CFAP97: variants seen among roughly 807,000 people sequenced by gnomAD.
CFAP97 encodes the protein cilia and flagella associated protein 97, also known as cilia- and flagella-associated protein 97.
In CFAP97, 36 loss-of-function variants were observed where a neutral mutation model predicts 43.1. That is an observed-to-expected ratio of 0.84 (90% CI 0.64 to 1.10). The LOEUF (loss-of-function observed/expected upper bound fraction) is 1.10, where lower values mean the gene tolerates loss of function less well. Ranked by LOEUF, CFAP97 falls within the 50% of genes least tolerant of loss-of-function variation. The pLI is 0.00. For missense variants in CFAP97, 657 were observed against 620.3 expected, an observed-to-expected ratio of 1.06 and a Z score of -0.63; for synonymous variants, 228 against 225.7, an observed-to-expected ratio of 1.01 and a Z score of -0.09.
At chr4:185,192,733 C>CTTTTTTTTT (rs760026667) in intron 1 of CFAP97, among the ~76,000 whole-genome samples, 29 of 81,412 alleles carry the variant, frequency 3.6e-4, no homozygotes, top group African/African-American at 1.1e-3. Context: ...AATTGACCTT[C>CTTTTTTTTT]TTTTTTTTTT....
At chr4:185,199,230 G>C (rs1736705940) in intron 1 of CFAP97, among the ~76,000 whole-genome samples, 2 of 152,248 alleles carry the variant, frequency 1.3e-5, no homozygotes, top group Non-Finnish European at 2.9e-5. Flanking sequence ...AAATTAGCCA[G>C]GAGTAGTGGC....
chr4:185,191,189 T>C lies in CFAP97; in HGVS notation c.8A>G (p.Gln3Arg), dbSNP rs367817871. The change falls in exon 2 of 5, where the codon CAG becomes CGG. Residue 3 changes from glutamine to arginine, a missense_variant. Transcript: ENST00000458385. ...TTCACCTTCTAATATATCTCCAAAC[T>C]GATCCATGATGGCAAAAATATATCT... Reference protein sequence around the residue: MDQFGDILEGEVD... With the variant: MDRFGDILEGEVD... 1.3e-6 allele frequency: 2 copies of C among 1,534,576 alleles called. No individual in the cohort carries two copies. Among genetic ancestry groups the C allele is most frequent in the Non-Finnish European group, 1.7e-6 (2 of 1,148,798 alleles).
At chr4:185,178,805 G>C (rs1279425436) in intron 2 of CFAP97, among the ~76,000 whole-genome samples, 1 of 152,112 alleles carries the variant, frequency 6.6e-6, no homozygotes, top group Admixed American at 6.6e-5. Flanking sequence ...CAAGGGCCTG[G>C]AGAAGGCTGT....
chr4:185,161,684 T>G lies in CFAP97; in HGVS notation c.*1114A>C, dbSNP rs1734878861. On this transcript the variant is annotated 3_prime_UTR_variant, in exon 5 of 5. Coordinates refer to ENST00000458385, the MANE Select transcript of CFAP97 (RefSeq NM_020827.3). ...CCATCAAGATTACTAGGTCTTTAAA[T>G]GTGGGACTGGTAAAAATAATACTTC... is the stretch of plus-strand genomic sequence containing the variant. 1 of 152,222 alleles carries G rather than the reference T, an allele frequency of 6.6e-6. No homozygotes were observed. Among genetic ancestry groups the G allele is most frequent in the African/African-American group, 2.4e-5 (1 of 41,464 alleles). 9.4% of individuals were successfully genotyped at this position (152,222 alleles called of 1,614,324 possible).
At chr4:185,198,451 A>AG (rs1736656669) in intron 1 of CFAP97, among the ~76,000 whole-genome samples, 1 of 115,972 alleles carries the variant, frequency 8.6e-6, no homozygotes, top group Non-Finnish European at 2.0e-5. Context: ...TTAAAAAAAA[A>AG]AAAAAGAAAG....
In CFAP97 at chr4:185,162,808, G is replaced by C; in HGVS notation, c.1589C>G (p.Ala530Gly). The change falls in exon 5 of 5, where the codon GCT becomes GGT. Residue 530 changes from alanine (A) to glycine (G), a missense_variant. By Grantham distance (60) the Ala-to-Gly change is moderately conservative. Coordinates refer to ENST00000458385, the MANE Select transcript of CFAP97 (RefSeq NM_020827.3). ...AAGTAAAAAAGTGTTTTATAACCAA[G>C]CTGTACGGACATTAGGGGGTTTAGG... ...RRPKPPNVRT[A>G]WL 2 of 1,613,082 alleles carry C rather than the reference G, an allele frequency of 1.2e-6. No homozygotes were observed. Among genetic ancestry groups the C allele is most frequent in the Non-Finnish European group, 1.7e-6 (2 of 1,179,590 alleles).
intron 3 of CFAP97, among the ~76,000 whole-genome samples, chr4:185,166,105 GA>G (rs1330776390): frequency 2.6e-5 from 4 of 152,120 alleles, no homozygotes; most frequent in African/African-American, 4.8e-5. Flanking sequence ...TCAAAAGCTA[GA>G]AAAGAGTCAC....
chr4:185,173,670 G>A (rs1735399292), intron 3 of CFAP97, among the ~76,000 whole-genome samples: 1 of 152,158 alleles, frequency 6.6e-6, no homozygotes, highest in Non-Finnish European at 1.5e-5. Flanking sequence ...CTACTCATAT[G>A]AAATATTTAG....
intron 2 of CFAP97, 136 bp downstream of exon 2, chr4:185,190,007 G>T (rs1371572137): frequency 3.3e-6 from 2 of 606,166 alleles, no homozygotes; most frequent in Non-Finnish European, 5.3e-6. Flanking sequence ...TAGAGTATTT[G>T]GTAAAGTTAC....
At chr4:185,199,007 G>A (rs1212575735) in intron 1 of CFAP97, among the ~76,000 whole-genome samples, 3 of 152,198 alleles carry the variant, frequency 2.0e-5, no homozygotes, top group Non-Finnish European at 4.4e-5. Flanking sequence ...AGAACAGGCT[G>A]ACTCTTATTA....
Position 185,164,093 on chromosome 4 carries a change from G to GC in CFAP97, c.1406dup (p.Tyr470LeufsTer19). On this transcript the variant is annotated frameshift_variant, in exon 4 of 5. Coordinates refer to ENST00000458385, the MANE Select transcript of CFAP97 (RefSeq NM_020827.3). LOFTEE classifies it high-confidence loss of function. Reference sequence around the variant, plus strand: ...TTGACAATGGTGATGAGTTGAGATAGCCCATATTGCGATGATAGTCCATCA... The same window carrying GC: ...TTGACAATGGTGATGAGTTGAGATAGCCCCATATTGCGATGATAGTCCATCA... The GC allele has an allele frequency of 6.2e-7, 1 of 1,613,882 alleles. No homozygotes were observed.
chr4:185,175,699 T>A (rs372163462), intron 3 of CFAP97, 87 bp downstream of exon 3: 3 of 1,225,588 alleles, frequency 2.4e-6, no homozygotes, highest in African/African-American at 3.0e-5. Context: ...GTTTGAATAT[T>A]TGGCTGTATT....
intron 2 of CFAP97, among the ~76,000 whole-genome samples, chr4:185,189,047 C>T (rs990448479): frequency 6.6e-6 from 1 of 152,000 alleles, no homozygotes; most frequent in Non-Finnish European, 1.5e-5. Flanking sequence ...ACGCAGCCCG[C>T]GCAGCATAGT....
intron 1 of CFAP97, among the ~76,000 whole-genome samples, chr4:185,201,984 C>T (rs1017684976): frequency 6.6e-6 from 1 of 152,204 alleles, no homozygotes; most frequent in Non-Finnish European, 1.5e-5. Context: ...TCCTGTTAAT[C>T]TGCCTTACAG....
chr4:185,194,157 C>T (rs1170090163), intron 1 of CFAP97, among the ~76,000 whole-genome samples: 2 of 152,140 alleles, frequency 1.3e-5, no homozygotes, highest in Non-Finnish European at 2.9e-5. Flanking sequence ...ACCCTATGGC[C>T]CACAGAGACT....
intron 2 of CFAP97, 124 bp from the exon 3 acceptor site, chr4:185,176,175 C>A: frequency 1.2e-6 from 1 of 851,274 alleles, no homozygotes; most frequent in Non-Finnish European, 1.7e-6. Context: ...TGCAATGGGA[C>A]AATCTTAGCT....
intron 1 of CFAP97, among the ~76,000 whole-genome samples, chr4:185,192,810 G>C (rs964018075): frequency 1.2e-4 from 16 of 133,848 alleles, no homozygotes; most frequent in Admixed American, 6.2e-4. Context: ...GTGCAATCTC[G>C]GCTCAGTGCA....
At chr4:185,198,519 G>C (rs1017189471) in intron 1 of CFAP97, among the ~76,000 whole-genome samples, 1 of 151,720 alleles carries the variant, frequency 6.6e-6, no homozygotes, top group African/African-American at 2.4e-5. Context: ...GCCAGGCATG[G>C]TGGCTCACGC....
chr4:185,168,473 G>C (rs1340706805), intron 3 of CFAP97, among the ~76,000 whole-genome samples: 1 of 150,394 alleles, frequency 6.6e-6, no homozygotes, highest in African/African-American at 2.5e-5. Context: ...TAGGCATGGT[G>C]ACACACACCA....
Sources: gnomAD v4.1 joint callset for allele counts (sites outside exome capture counted in the v4.1 genomes callset) on GRCh38, gnomAD v4.1.1 for gene constraint, MANE v1.5 for transcripts, NCBI Gene and HGNC (gene_info 2026-07-23, HGNC 2026-07-21) for gene names.